The following MAGI1 variants were observed in gnomAD, a reference collection of about 807,000 sequenced individuals.
The protein encoded by MAGI1 is membrane associated guanylate kinase, WW and PDZ domain containing 1, also known as membrane-associated guanylate kinase, WW and PDZ domain-containing protein 1.
In MAGI1, 58 loss-of-function variants were observed where a neutral mutation model predicts 139.9. The ratio of observed to expected loss-of-function variants is 0.41; its 90% CI spans 0.34 to 0.52. The LOEUF is 0.52. Ranked by LOEUF, MAGI1 falls within the 20% of genes least tolerant of loss-of-function variation. MAGI1 has a pLI of 0.12. For synonymous variants in MAGI1, 812 were observed against 737.9 expected (o/e 1.10, Z -1.63); for missense variants, 1,874 against 1,901.6 (o/e 0.99, Z 0.27).
At chr3:65,558,708 C>A (rs907656878) in intron 2 of MAGI1, among the ~76,000 whole-genome samples, 1 of 151,806 alleles carries the variant, frequency 6.6e-6, no homozygotes, top group African/African-American at 2.4e-5. Context: ...AAAAACCCTG[C>A]AGATTTGGGA....
At chr3:65,605,432 T>C (rs886848133) in intron 2 of MAGI1, among the ~76,000 whole-genome samples, 10 of 152,106 alleles carry the variant, frequency 6.6e-5, no homozygotes, top group African/African-American at 2.4e-4. Context: ...GGGGAGAAAT[T>C]ATAGATTTGA....
intron 5 of MAGI1, among the ~76,000 whole-genome samples, chr3:65,461,011 G>A (rs923272008): frequency 1.3e-5 from 2 of 152,040 alleles, no homozygotes; most frequent in Non-Finnish European, 2.9e-5. Flanking sequence ...ATAAACATAC[G>A]TGTGCATGTA....
chr3:65,869,251 G>A (rs375216815), intron 1 of MAGI1, among the ~76,000 whole-genome samples: 15 of 109,274 alleles, frequency 1.4e-4, no homozygotes, highest in East Asian at 5.9e-4. Flanking sequence ...GCGAGACTCC[G>A]TCTCAAAAAA....
At chr3:65,519,511 G>A (rs945420947) in intron 2 of MAGI1, among the ~76,000 whole-genome samples, 7 of 151,786 alleles carry the variant, frequency 4.6e-5, no homozygotes, top group South Asian at 2.1e-4. Flanking sequence ...TTAGCCTCCC[G>A]GGTAGCTGGG....
At chr3:65,493,757 G>T (rs186500202) in intron 2 of MAGI1, 126 bp from the exon 3 acceptor site, 4 of 1,066,172 alleles carry the variant, frequency 3.8e-6, no homozygotes, top group Non-Finnish European at 5.4e-6. Context: ...TGCCTCATCT[G>T]TCCAGACAGG....
At chr3:65,378,734 T>C (rs1422342911) in intron 17 of MAGI1, among the ~76,000 whole-genome samples, 1 of 151,580 alleles carries the variant, frequency 6.6e-6, no homozygotes, top group Non-Finnish European at 1.5e-5. Context: ...CAGGCTGGAA[T>C]GCAGTGGCAC....
rs183894305 is a variant in MAGI1 at position 66,033,879 on chromosome 3, T to C, written c.313+4117A>G. 2.2e-3 allele frequency among the ~76,000 whole-genome samples: 339 copies of C among 152,318 alleles called. 3 individuals carry two copies. The highest frequency in any genetic ancestry group is 7.8e-3 in the African/African-American group (324 of 41,570). ...CATACCATTTTAAACCTTTGGAGTCTGGGTGATTCATGGAAACAAAGGATT... is the reference window on the plus strand; with the variant it reads ...CATACCATTTTAAACCTTTGGAGTCCGGGTGATTCATGGAAACAAAGGATT... On this transcript the variant is annotated intron_variant, in intron 1 of 22. Coordinates refer to ENST00000402939, the MANE Select transcript of MAGI1 (RefSeq NM_001033057.2).
intron 2 of MAGI1, among the ~76,000 whole-genome samples, chr3:65,512,553 T>G (rs1478907201): frequency 6.6e-6 from 1 of 152,108 alleles, no homozygotes. Context: ...ATAGAAAATC[T>G]AGAAGAAATG....
At chr3:65,479,602 A>G (rs947093751) in intron 3 of MAGI1, among the ~76,000 whole-genome samples, 3 of 152,174 alleles carry the variant, frequency 2.0e-5, no homozygotes, top group African/African-American at 7.2e-5. Flanking sequence ...ATACCAATAT[A>G]AAGTTTGCCT....
intron 3 of MAGI1, among the ~76,000 whole-genome samples, chr3:65,491,913 C>T (rs886505865): frequency 1.3e-5 from 2 of 152,060 alleles, no homozygotes; most frequent in African/African-American, 4.8e-5. Context: ...TGGAAAGGAG[C>T]AGTATGTACA....
At chr3:65,538,398 G>C (rs1380683106) in intron 2 of MAGI1, among the ~76,000 whole-genome samples, 1 of 152,070 alleles carries the variant, frequency 6.6e-6, no homozygotes, top group East Asian at 1.9e-4. Context: ...CCTTCCATGT[G>C]GTGATAAAAA....
chr3:65,644,721 C>T (rs1018227337), intron 1 of MAGI1, among the ~76,000 whole-genome samples: 7 of 151,924 alleles, frequency 4.6e-5, no homozygotes, highest in East Asian at 3.9e-4. Context: ...TTAAAGGCCA[C>T]GCACAGTGGC....
chr3:65,683,924 G>C (rs2087789671), intron 1 of MAGI1, among the ~76,000 whole-genome samples: 1 of 151,208 alleles, frequency 6.6e-6, no homozygotes, highest in Non-Finnish European at 1.5e-5. Context: ...CAGCACTTTG[G>C]GAGGCCAAGA....
At chr3:65,603,013 T>A (rs909939915) in intron 2 of MAGI1, among the ~76,000 whole-genome samples, 9 of 152,138 alleles carry the variant, frequency 5.9e-5, no homozygotes, top group African/African-American at 2.2e-4. Context: ...TTTTCTAGAA[T>A]AATAAATTAA....
In MAGI1 at chr3:65,797,999, T is replaced by C. The variant is rs550258074; in HGVS notation, c.314-175911A>G. On this transcript the variant is annotated intron_variant, in intron 1 of 22. Transcript: ENST00000402939. ...TCTCATTTCTAAAATGCATCTTCAA[T>C]TCTTCACCTTAAAAACATAGCCTTG... is the stretch of plus-strand genomic sequence containing the variant. 1.9e-3 allele frequency among the ~76,000 whole-genome samples: 291 copies of C among 152,228 alleles called. 2 individuals carry two copies. The highest frequency in any genetic ancestry group is 6.7e-3 in the African/African-American group (279 of 41,542).
At chr3:65,826,695 G>A (rs2042248078) in intron 1 of MAGI1, among the ~76,000 whole-genome samples, 1 of 152,072 alleles carries the variant, frequency 6.6e-6, no homozygotes, top group African/African-American at 2.4e-5. Flanking sequence ...TTACATTAAG[G>A]GCACTGTATT....
intron 8 of MAGI1, among the ~76,000 whole-genome samples, chr3:65,442,270 A>C (rs1218672227): frequency 6.6e-6 from 1 of 152,176 alleles, no homozygotes; most frequent in Non-Finnish European, 1.5e-5. Flanking sequence ...AGAAACACAC[A>C]AAGTCTGCAT....
chr3:65,870,537 G>A (rs560777619), intron 1 of MAGI1, among the ~76,000 whole-genome samples: 1 of 151,364 alleles, frequency 6.6e-6, no homozygotes, highest in Non-Finnish European at 1.5e-5. Flanking sequence ...AGGGGAAGAA[G>A]ACAGGGAGGC....
rs151043059 is a variant in MAGI1, at chr3:66,031,093, T to C, written c.313+6903A>G. Among the ~76,000 whole-genome samples the C allele has an allele frequency of 3.4e-3, 513 of 152,294 alleles. 5 individuals are homozygous for C. The highest frequency in any genetic ancestry group is 2.0e-3 in the Non-Finnish European group (138 of 68,018). Reference sequence around the variant, plus strand: ...AGTCTAGCAATGCACCAGTGTGTACTAGGGATTTTTCAAGGTTACAGATCT... The same window carrying C: ...AGTCTAGCAATGCACCAGTGTGTACCAGGGATTTTTCAAGGTTACAGATCT... On this transcript the variant is annotated intron_variant, in intron 1 of 22. Coordinates refer to ENST00000402939, the MANE Select transcript of MAGI1 (RefSeq NM_001033057.2).
Sources: allele counts gnomAD v4.1 joint callset (sites outside exome capture counted in the v4.1 genomes callset), GRCh38; gene constraint gnomAD v4.1.1; transcripts MANE v1.5; gene names NCBI Gene and HGNC (gene_info 2026-07-23, HGNC 2026-07-21).